Variants in STRA6 observed in about 807,000 individuals in gnomAD.
STRA6 encodes signaling receptor and transporter of retinol STRA6.
STRA6 carries 48 observed loss-of-function variants against 83.6 expected under a neutral mutation model. The ratio of observed to expected loss-of-function variants is 0.57; its 90% confidence interval spans 0.46 to 0.73. The LOEUF is 0.73. Among genes scored for constraint, STRA6 ranks in the 30% least tolerant of loss-of-function variants. The pLI is 0.00. For synonymous variants in STRA6, 353 were observed against 362.3 expected (o/e 0.97, Z 0.29); for missense variants, 760 against 838.8 (o/e 0.91, Z 1.16).
intron 12 of STRA6, 111 bp from the exon 13 acceptor site, chr15:74,185,166 C>A (rs1376263000): frequency 9.3e-7 from 1 of 1,075,184 alleles, no homozygotes; most frequent in Non-Finnish European, 1.4e-6. Flanking sequence ...CTGCCCCAAA[C>A]TGAACTCTGT....
chr15:74,204,644 GC>G (rs966460475), upstream of STRA6, among the ~76,000 whole-genome samples: 14 of 152,180 alleles, frequency 9.2e-5, no homozygotes, highest in African/African-American at 3.4e-4. Context: ...CAGAAACCAT[GC>G]CCTTTGGCCA....
At chr15:74,186,776 A>G (rs2073271093) in intron 12 of STRA6, among the ~76,000 whole-genome samples, 2 of 150,512 alleles carry the variant, frequency 1.3e-5, no homozygotes, top group South Asian at 4.2e-4. Flanking sequence ...ATCTCAAAAG[A>G]AAAAAAAAAT....
Position 74,189,137 on chromosome 15 carries a change from C to T in STRA6, c.1068G>A (p.Lys356=). ...CACCTTCCAGAGCCCACAGATGGTG[C>T]TTCACCAGCTCCACCACCTCCTGCT... ...EDKQEVVELV[K]HHLWALEVCY... is the part of the protein sequence containing the mutation. The change falls in exon 12 of 19, where the codon AAG becomes AAA. Residue 356 remains lysine, a synonymous_variant. Transcript: ENST00000395105. 1 of 1,614,160 alleles carries T rather than the reference C, an allele frequency of 6.2e-7. No homozygotes were observed. The highest frequency in any genetic ancestry group is 2.2e-5 in the East Asian group (1 of 44,888).
rs934098648 is a variant in STRA6, at chr15:74,183,590, C to T, written c.1300+266G>A. Reference sequence around the variant, plus strand: ...TGACACCTCCAGACCTGGGTCCACCCCCATGTGAATACTTGGTGGCACCCA... The same window carrying T: ...TGACACCTCCAGACCTGGGTCCACCTCCATGTGAATACTTGGTGGCACCCA... On this transcript the variant is annotated intron_variant, in intron 14 of 18. Transcript: ENST00000395105. The T allele has an allele frequency of 9.1e-6, 12 of 1,324,566 alleles. No homozygotes were observed. The African/African-American group carries it at 1.6e-4, about 18-fold the overall frequency. The allele number at this position is 1,324,566 out of a possible 1,614,324, so 82.1% of individuals were successfully genotyped here.
chr15:74,202,122 T>C, intron 2 of STRA6, 33 bp downstream of exon 2: 3 of 1,457,810 alleles, frequency 2.1e-6, no homozygotes, highest in Non-Finnish European at 2.7e-6. Flanking sequence ...TTCTGATGGC[T>C]GACAGAGTGA....
chr15:74,202,493 C>T, intron 1 of STRA6: 22 of 1,532,256 alleles, frequency 1.4e-5, no homozygotes, highest in Non-Finnish European at 1.8e-5. Flanking sequence ...CAGGGCCTCT[C>T]GTGTCCCCTC....
Position 74,195,444 on chromosome 15 carries a change from A to G in STRA6, c.455T>C (p.Phe152Ser). The G allele has an allele frequency of 6.2e-7, 1 of 1,613,458 alleles. No homozygotes were observed. The highest frequency in any genetic ancestry group is 8.5e-7 in the Non-Finnish European group (1 of 1,179,932). Residue 152 changes from phenylalanine to serine, a missense_variant, in exon 7 of 19, where the codon TTC becomes TCC. Transcript: ENST00000395105. Reference sequence around the variant, plus strand: ...AGGGTAGTAGAGGGCAGCATAATAGAACAGTCCCAGTATCTTCCAGGCCCC... The same window carrying G: ...AGGGTAGTAGAGGGCAGCATAATAGGACAGTCCCAGTATCTTCCAGGCCCC... Reference protein sequence around the residue: ...PRGAWKILGLFYYAALYYPLA... With the variant: ...PRGAWKILGLSYYAALYYPLA...
Position 74,181,374 on chromosome 15 carries a change from G to A in STRA6, c.1605C>T (p.Leu535=), listed in dbSNP as rs141004067. The change falls in exon 17 of 19, where the codon CTC becomes CTT. Residue 535 remains leucine, a synonymous_variant. Coordinates refer to ENST00000395105, the MANE Select transcript of STRA6 (RefSeq NM_022369.4). ...GGTGGATGGCGTTGTAGAGGGCAGA[G>A]AGGAGCACTCGCCAGGTGGCCACCA... The part of the protein sequence containing the change: ...GAMVATWRVL[L]SALYNAIHLG... 17 of 1,613,858 alleles carry A rather than the reference G, an allele frequency of 1.1e-5. No individual in the cohort carries two copies. In the African/African-American group the frequency reaches 1.6e-4, roughly 15 times the overall value.
chr15:74,203,094 A>G (rs2074160255), upstream of STRA6: 3 of 985,420 alleles, frequency 3.0e-6, no homozygotes, highest in Non-Finnish European at 2.4e-6. Context: ...TACAGCAACA[A>G]CCGAGTGAGA....
chr15:74,203,008 T>C (rs901238105), upstream of STRA6: 12 of 985,578 alleles, frequency 1.2e-5, no homozygotes, highest in African/African-American at 1.7e-5. Context: ...CATACCTGCC[T>C]TCAGCGCCTG....
chr15:74,195,807 CA>C, intron 5 of STRA6, 132 bp from the exon 6 acceptor site: 1 of 930,682 alleles, frequency 1.1e-6, no homozygotes, highest in East Asian at 2.6e-5. Context: ...TCCTCCATTG[CA>C]AAATGGGGCT....
intron 2 of STRA6, among the ~76,000 whole-genome samples, chr15:74,199,547 T>C (rs1269237770): frequency 1.3e-5 from 2 of 152,178 alleles, no homozygotes; most frequent in Non-Finnish European, 2.9e-5. Flanking sequence ...GGCAGGGACT[T>C]GGAAAACTGT....
At chr15:74,200,647 A>G (rs750873022) in intron 2 of STRA6, among the ~76,000 whole-genome samples, 1 of 152,254 alleles carries the variant, frequency 6.6e-6, no homozygotes, top group South Asian at 2.1e-4. Context: ...CTGAGCTCCC[A>G]ATTTTCTGCT....
chr15:74,189,224 T>C lies in STRA6; in HGVS notation c.981A>G (p.Ala327=). Residue 327 remains alanine, a synonymous_variant, in exon 12 of 19, where the codon GCA becomes GCG. Transcript: ENST00000395105. The stretch of plus-strand genomic sequence containing the variant: ...GGTAGGAGACATCCGTGGTGACCCC[T>C]GCCCTCACCTTCTGGATAGTGGGTA... ...GVVPTIQKVR[A]GVTTDVSYLL... is the part of the protein sequence containing the mutation. 6.2e-7 allele frequency: 1 copy of C among 1,611,434 alleles called. No individual in the cohort carries two copies. The highest frequency in any genetic ancestry group is 8.5e-7 in the Non-Finnish European group (1 of 1,178,902).
At chr15:74,181,129 G>A (rs1017713443) in intron 17 of STRA6, among the ~76,000 whole-genome samples, 166 bp downstream of exon 17, 3 of 152,160 alleles carry the variant, frequency 2.0e-5, no homozygotes, top group African/African-American at 7.2e-5. Context: ...TCCACTGCAC[G>A]TGCTGCAGGG....
At chr15:74,182,111 G>C (rs376717070) in intron 16 of STRA6, 50 bp downstream of exon 16, 1 of 1,507,046 alleles carries the variant, frequency 6.6e-7, no homozygotes, top group Non-Finnish European at 9.2e-7. Flanking sequence ...GAGAGACACC[G>C]AAGAAGAGGC....
chr15:74,179,620 C>A lies in STRA6; in HGVS notation c.*460G>T, dbSNP rs1035306824. 2 of 163,814 alleles carry A rather than the reference C, an allele frequency of 1.2e-5. No individual in the cohort carries two copies. The highest frequency in any genetic ancestry group is 4.8e-5 in the African/African-American group (2 of 41,768). The allele number at this position is 163,814 out of a possible 1,614,324, so 10.1% of individuals were successfully genotyped here. ...CTTGGGCTGCCCTGCAGGCCAGAGG[C>A]CCGGGAGCTTTCCGGCCACTCCCCA... On this transcript the variant is annotated 3_prime_UTR_variant, in exon 19 of 19. Coordinates refer to ENST00000395105, the MANE Select transcript of STRA6 (RefSeq NM_022369.4).
Position 74,180,037 on chromosome 15 carries a change from A to G in STRA6, c.*43T>C, listed in dbSNP as rs780276808. ...AGGGAGGAGGATGGTAGGCAGGAACATGCCTCAGCACAGATGGGCAGGTGG... is the reference window on the plus strand; with the variant it reads ...AGGGAGGAGGATGGTAGGCAGGAACGTGCCTCAGCACAGATGGGCAGGTGG... On this transcript the variant is annotated 3_prime_UTR_variant, in exon 19 of 19. Transcript: ENST00000395105. 2.5e-6 allele frequency: 4 copies of G among 1,594,914 alleles called. No homozygotes were observed. The highest frequency in any genetic ancestry group is 2.2e-5 in the South Asian group (2 of 90,504).
chr15:74,206,247 G>T (rs1404630423), upstream of STRA6, among the ~76,000 whole-genome samples: 1 of 152,220 alleles, frequency 6.6e-6, no homozygotes, highest in South Asian at 2.1e-4. Flanking sequence ...GCCCAGTCTG[G>T]TGCGGGCAGG....
Sources: allele counts gnomAD v4.1 joint callset (sites outside exome capture counted in the v4.1 genomes callset), GRCh38; gene constraint gnomAD v4.1.1; transcripts MANE v1.5; gene names NCBI Gene and HGNC (gene_info 2026-07-23, HGNC 2026-07-21).